The following ASIC2 variants were observed in gnomAD, a reference collection of about 807,000 sequenced individuals.
ASIC2 encodes acid sensing ion channel subunit 2.
In ASIC2, 25 loss-of-function variants were observed where a neutral mutation model predicts 57.3. That is an observed-to-expected ratio of 0.44 (90% confidence interval 0.32 to 0.61). The LOEUF (loss-of-function observed/expected upper bound fraction) is 0.61, where lower values mean the gene tolerates loss of function less well. Ranked by LOEUF, ASIC2 falls within the 20% of genes least tolerant of loss-of-function variation. ASIC2 has a pLI of 0.06. For synonymous variants in ASIC2, 319 were observed against 307.5 expected, an observed-to-expected ratio of 1.04 and a Z score of -0.39; for missense variants, 641 against 738.1, an observed-to-expected ratio of 0.87 and a Z score of 1.52.
At chr17:34,058,230 G>A (rs1046188303) in intron 1 of ASIC2, among the ~76,000 whole-genome samples, 11 of 152,196 alleles carry the variant, frequency 7.2e-5, no homozygotes, top group African/African-American at 2.2e-4. Flanking sequence ...TGCTGAGGCT[G>A]CCTATGTAAG....
chr17:33,154,059 C>T (rs910104508), intron 1 of ASIC2, among the ~76,000 whole-genome samples: 1 of 152,134 alleles, frequency 6.6e-6, no homozygotes, highest in Non-Finnish European at 1.5e-5. Flanking sequence ...GGGTCTGCTT[C>T]CTGGGAACTA....
chr17:33,172,929 C>G (rs1259646898), intron 1 of ASIC2, among the ~76,000 whole-genome samples: 1 of 152,180 alleles, frequency 6.6e-6, no homozygotes, highest in African/African-American at 2.4e-5. Context: ...TGGAGAGAGG[C>G]AAACCAGAGC....
chr17:33,418,503 T>A (rs1396918012), intron 1 of ASIC2, among the ~76,000 whole-genome samples: 2 of 152,240 alleles, frequency 1.3e-5, no homozygotes, highest in African/African-American at 4.8e-5. Context: ...TGGTTTTAGG[T>A]CTTACGTTTA....
intron 1 of ASIC2, among the ~76,000 whole-genome samples, chr17:33,177,561 C>T (rs914896379): frequency 5.3e-5 from 8 of 152,110 alleles, no homozygotes; most frequent in East Asian, 1.9e-4. Flanking sequence ...AAGAGGAAGT[C>T]GGGATATATG....
chr17:34,150,447 A>G (rs994263272), intron 1 of ASIC2, among the ~76,000 whole-genome samples: 9 of 152,032 alleles, frequency 5.9e-5, no homozygotes, highest in Admixed American at 2.6e-4. Flanking sequence ...CATATGTTAA[A>G]TAGTTTGATT....
At chr17:33,776,789 G>C (rs1255218872) in intron 1 of ASIC2, among the ~76,000 whole-genome samples, 1 of 152,172 alleles carries the variant, frequency 6.6e-6, no homozygotes, top group Non-Finnish European at 1.5e-5. Context: ...TGGGCTTCGG[G>C]CTTCGTGATA....
At chr17:33,653,942 G>A (rs1451173080) in intron 1 of ASIC2, among the ~76,000 whole-genome samples, 1 of 152,154 alleles carries the variant, frequency 6.6e-6, no homozygotes, top group Non-Finnish European at 1.5e-5. Context: ...AACCCAGAAA[G>A]GCAAACATTA....
At chr17:33,815,069 C>T (rs545484914) in intron 1 of ASIC2, among the ~76,000 whole-genome samples, 9 of 151,754 alleles carry the variant, frequency 5.9e-5, no homozygotes, top group Non-Finnish European at 8.8e-5. Context: ...GTGGTGTGGG[C>T]GAGTGTGTTC....
At chr17:33,328,974 G>T (rs1361020105) in intron 1 of ASIC2, among the ~76,000 whole-genome samples, 3 of 152,162 alleles carry the variant, frequency 2.0e-5, no homozygotes, top group African/African-American at 7.2e-5. Context: ...ATCCGGAGAT[G>T]GTTCTGCTGG....
intron 1 of ASIC2, among the ~76,000 whole-genome samples, chr17:34,049,750 T>C (rs1013431640): frequency 1.3e-5 from 2 of 152,206 alleles, no homozygotes; most frequent in Admixed American, 6.5e-5. Context: ...TCAATTCTAC[T>C]TACCCTTTGA....
At chr17:33,039,428 C>T (rs142820074) in intron 3 of ASIC2, among the ~76,000 whole-genome samples, 2 of 152,268 alleles carry the variant, frequency 1.3e-5, no homozygotes, top group African/African-American at 2.4e-5. Context: ...GCCTGTGCTC[C>T]GTGGTCAAGA....
intron 1 of ASIC2, among the ~76,000 whole-genome samples, chr17:33,964,952 G>A (rs1361498586): frequency 6.6e-6 from 1 of 152,118 alleles, no homozygotes; most frequent in Non-Finnish European, 1.5e-5. Context: ...TGGCTAACAG[G>A]ACAAAGTGCT....
At chr17:33,261,722 C>T (rs1384559320) in intron 1 of ASIC2, among the ~76,000 whole-genome samples, 1 of 152,148 alleles carries the variant, frequency 6.6e-6, no homozygotes, top group African/African-American at 2.4e-5. Flanking sequence ...GAAACTGAGG[C>T]ACAGATAAGT....
intron 1 of ASIC2, among the ~76,000 whole-genome samples, chr17:33,130,430 A>G (rs537556853): frequency 1.3e-5 from 2 of 152,308 alleles, no homozygotes; most frequent in South Asian, 4.1e-4. Flanking sequence ...TAGCTTGTAT[A>G]TGTTTAAATA....
In ASIC2 at chr17:33,880,662, G is replaced by A. The variant is rs571922551; in HGVS notation, c.555+275316C>T. Among the ~76,000 whole-genome samples the A allele has an allele frequency of 1.2e-4, 19 of 152,182 alleles. No homozygotes were observed. In the East Asian group the frequency reaches 1.9e-3, roughly 15 times the overall value. ...TCCAGGACCATATGGATTCACAGCC[G>A]AATTCTACCAGAGGTACAAGGAGGA... On this transcript the variant is annotated intron_variant, in intron 1 of 9. Transcript: ENST00000359872.
rs116228909 is a variant in ASIC2, at chr17:33,109,523, A to G, written c.859+2394T>C. Reference sequence around the variant, plus strand: ...AAGTGAGTGTGCTGGTCCATCTCCCAGGGATGACTCAAACTCTCAGCAGCA... The same window carrying G: ...AAGTGAGTGTGCTGGTCCATCTCCCGGGGATGACTCAAACTCTCAGCAGCA... On this transcript the variant is annotated intron_variant, in intron 2 of 9. Coordinates refer to ENST00000225823, the MANE Select transcript of ASIC2 (RefSeq NM_183377.2). Among the ~76,000 whole-genome samples the G allele has an allele frequency of 3.8e-3, 586 of 152,282 alleles. 1 individual carries two copies. Among genetic ancestry groups the G allele is most frequent in the African/African-American group, 0.014 (565 of 41,556 alleles).
At chr17:33,166,446 GAA>G (rs1465978216) in intron 1 of ASIC2, among the ~76,000 whole-genome samples, 1 of 152,202 alleles carries the variant, frequency 6.6e-6, no homozygotes, top group African/African-American at 2.4e-5. Context: ...TACTGGCAGG[GAA>G]AGTGTCCAGG....
chr17:33,940,495 T>A (rs551418962), intron 1 of ASIC2, among the ~76,000 whole-genome samples: 1 of 152,256 alleles, frequency 6.6e-6, no homozygotes, highest in Non-Finnish European at 1.5e-5. Flanking sequence ...GAGTGATACA[T>A]AACCCCCTCC....
At chr17:33,855,626 A>C (rs989966275) in intron 1 of ASIC2, among the ~76,000 whole-genome samples, 1 of 152,056 alleles carries the variant, frequency 6.6e-6, no homozygotes, top group African/African-American at 2.4e-5. Context: ...GACTGAGATG[A>C]TGATGCTGAT....
Sources: allele counts gnomAD v4.1 joint callset (sites outside exome capture counted in the v4.1 genomes callset), GRCh38; gene constraint gnomAD v4.1.1; transcripts MANE v1.5; gene names NCBI Gene and HGNC (gene_info 2026-07-23, HGNC 2026-07-21).